The following ARSJ variants were observed in gnomAD, a reference collection of about 807,000 sequenced individuals.
The protein encoded by ARSJ is arylsulfatase J.
A neutral mutation model predicts 35.9 loss-of-function variants in ARSJ; 26 were observed. The observed-to-expected ratio is 0.72, with a 90% CI of 0.53 to 1.00. The LOEUF (loss-of-function observed/expected upper bound fraction) is 1.00. ARSJ is among the 50% of genes least tolerant of loss of function. The probability of loss-of-function intolerance (pLI) is 0.00; values close to 1 mark genes in which losing one functional copy is unlikely to be tolerated. For synonymous variants in ARSJ, 294 were observed against 267.6 expected (o/e 1.10, Z -0.96); for missense variants, 667 against 723.6 (o/e 0.92, Z 0.90).
rs370700676 is a variant in ARSJ, at chr4:113,903,044, T to C, written c.1030A>G (p.Ser344Gly). 4 of 1,614,068 alleles carry C rather than the reference T, an allele frequency of 2.5e-6. No homozygotes were observed. In the African/African-American group the frequency reaches 5.3e-5, roughly 22 times the overall value. Residue 344 changes from serine to glycine, a missense_variant, in exon 2 of 2, where the codon AGC becomes GGC. Physicochemically the swap from Ser to Gly is moderately conservative, Grantham distance 56. Coordinates refer to ENST00000315366, the MANE Select transcript of ARSJ (RefSeq NM_024590.4). ...CCTCCTTCCCAATATGTTCCTTTGC[T>C]ACCTCTGAGAGGCCAGTTACTCCCT... ...AGGSNWPLRG[S>G]KGTYWEGGIR...
At chr4:113,963,339 G>GTCAA (rs2149281875) in intron 1 of ARSJ, among the ~76,000 whole-genome samples, 1 of 152,166 alleles carries the variant, frequency 6.6e-6, no homozygotes, top group African/African-American at 2.4e-5. Flanking sequence ...TTGACTCACA[G>GTCAA]TTCCACCTGG....
At chr4:113,959,341 A>C (rs555491654) in intron 1 of ARSJ, among the ~76,000 whole-genome samples, 1 of 152,124 alleles carries the variant, frequency 6.6e-6, no homozygotes, top group East Asian at 1.9e-4. Flanking sequence ...AATGTTTCAA[A>C]TGCACACACT....
intron 1 of ARSJ, among the ~76,000 whole-genome samples, chr4:113,943,778 T>A (rs1725306854): frequency 6.6e-6 from 1 of 151,788 alleles, no homozygotes; most frequent in African/African-American, 2.4e-5. Flanking sequence ...ACAGAAGGAA[T>A]GATAGACATA....
Position 113,924,034 on chromosome 4 carries a change from T to A in ARSJ, c.399-20359A>T, listed in dbSNP as rs62314613. ...TCTATAGAATCTACATATATATATA[T>A]AAATATATATAAATATATATAAATA... On this transcript the variant is annotated intron_variant, in intron 1 of 1. Transcript: ENST00000315366. Among the ~76,000 whole-genome samples the A allele has an allele frequency of 0.042, 173 of 4,118 alleles. 7 individuals carry two copies. In the East Asian group the frequency reaches 0.48, roughly 11 times the overall value. 2.7% of individuals were successfully genotyped at this position (4,118 alleles called of 152,430 possible).
chr4:113,909,460 T>G lies in ARSJ; in HGVS notation c.399-5785A>C, dbSNP rs545765819. 1.4e-3 allele frequency among the ~76,000 whole-genome samples: 218 copies of G among 152,294 alleles called. 4 individuals carry two copies. The highest frequency in any genetic ancestry group is 4.6e-4 in the Admixed American group (7 of 15,292). On this transcript the variant is annotated intron_variant, in intron 1 of 1. Transcript: ENST00000315366. The stretch of plus-strand genomic sequence containing the variant: ...CACCCAAATCTCATCTGAACTGTAG[T>G]TCCCATAATCCCCACATGTCGTGAG...
At chr4:113,952,483 G>T (rs997652584) in intron 1 of ARSJ, among the ~76,000 whole-genome samples, 1 of 152,020 alleles carries the variant, frequency 6.6e-6, no homozygotes, top group South Asian at 2.1e-4. Flanking sequence ...ATTTTCATAC[G>T]CATATCAATA....
At chr4:113,905,654 T>C (rs2099668489) in intron 1 of ARSJ, among the ~76,000 whole-genome samples, 1 of 143,852 alleles carries the variant, frequency 7.0e-6, no homozygotes, top group South Asian at 2.2e-4. Context: ...GTTACTGTTC[T>C]TGATAATTTT....
rs746369577 is a variant in ARSJ at position 113,902,284 on chromosome 4, G to A, written c.1790C>T (p.Thr597Ile). The A allele has an allele frequency of 6.7e-5, 108 of 1,610,336 alleles. 1 individual carries two copies. Among genetic ancestry groups the A allele is most frequent in the Non-Finnish European group, 2.6e-5 (31 of 1,180,006 alleles). ...AGGAAATATTTGTGCTTATCCACAAGTAACACCTGAATGGCAAGTTGAACC... is the reference window on the plus strand; with the variant it reads ...AGGAAATATTTGTGCTTATCCACAAATAACACCTGAATGGCAAGTTGAACC... Reference protein sequence around the residue: ...VSGSTCHSGVTCG With the variant: ...VSGSTCHSGVICG The change falls in exon 2 of 2, where the codon ACT becomes ATT. Residue 597 changes from threonine to isoleucine, a missense_variant. Coordinates refer to ENST00000315366, the MANE Select transcript of ARSJ (RefSeq NM_024590.4).
rs1233915070 is a variant in ARSJ, at chr4:113,901,901, CTG to C, written c.*371_*372del. The C allele has an allele frequency of 1.7e-5, 2 of 115,228 alleles. No individual in the cohort carries two copies. The highest frequency in any genetic ancestry group is 2.8e-4 in the Admixed American group (2 of 7,212). 7.1% of individuals were successfully genotyped at this position (115,228 alleles called of 1,614,324 possible). On this transcript the variant is annotated 3_prime_UTR_variant, in exon 2 of 2. Coordinates refer to ENST00000315366, the MANE Select transcript of ARSJ (RefSeq NM_024590.4). Reference sequence around the variant, plus strand: ...TTAGCATGCTTGCGGATGGTATACCCTGTAACTTCCATCAAATTAGCATGCTT... The same window carrying C: ...TTAGCATGCTTGCGGATGGTATACCCTAACTTCCATCAAATTAGCATGCTT...
chr4:113,928,344 CT>C (rs1207443751), intron 1 of ARSJ, among the ~76,000 whole-genome samples: 22 of 152,156 alleles, frequency 1.4e-4, no homozygotes, highest in African/African-American at 5.3e-4. Context: ...GAGGAACTGG[CT>C]TCCCCTTCAT....
chr4:113,961,187 T>C (rs1726517786), intron 1 of ARSJ, among the ~76,000 whole-genome samples: 1 of 152,014 alleles, frequency 6.6e-6, no homozygotes, highest in African/African-American at 2.4e-5. Context: ...ACGTTGGAAG[T>C]GAAGTAGCAC....
chr4:113,971,338 G>A (rs539748173), intron 1 of ARSJ, among the ~76,000 whole-genome samples: 18 of 152,256 alleles, frequency 1.2e-4, no homozygotes, highest in Admixed American at 3.9e-4. Flanking sequence ...ACAAGACATC[G>A]TCAGCCTTCT....
intron 1 of ARSJ, among the ~76,000 whole-genome samples, chr4:113,922,591 C>A (rs1171055444): frequency 6.6e-6 from 1 of 152,122 alleles, no homozygotes; most frequent in Non-Finnish European, 1.5e-5. Flanking sequence ...TTACAGCTGT[C>A]TTCATGCTTT....
chr4:113,961,494 C>G (rs1726534919), intron 1 of ARSJ, among the ~76,000 whole-genome samples: 1 of 152,022 alleles, frequency 6.6e-6, no homozygotes, highest in Non-Finnish European at 1.5e-5. Context: ...TCAATGAAAT[C>G]TTTCTCAATG....
At chr4:113,963,583 A>G (rs1726700653) in intron 1 of ARSJ, among the ~76,000 whole-genome samples, 1 of 152,072 alleles carries the variant, frequency 6.6e-6, no homozygotes, top group South Asian at 2.1e-4. Context: ...GGATTATGAG[A>G]ACTACAATTC....
At chr4:113,927,498 A>G (rs1450907424) in intron 1 of ARSJ, among the ~76,000 whole-genome samples, 2 of 152,162 alleles carry the variant, frequency 1.3e-5, no homozygotes, top group African/African-American at 4.8e-5. Flanking sequence ...AAAGCCGGAG[A>G]GTTGATTTAC....
chr4:113,923,390 A>C (rs897330604), intron 1 of ARSJ, among the ~76,000 whole-genome samples: 1 of 152,166 alleles, frequency 6.6e-6, no homozygotes, highest in Non-Finnish European at 1.5e-5. Context: ...TAGCTCTTAG[A>C]TTTCAGCCTA....
intron 1 of ARSJ, among the ~76,000 whole-genome samples, chr4:113,912,629 G>A (rs1001842216): frequency 6.6e-6 from 1 of 151,974 alleles, no homozygotes; most frequent in Non-Finnish European, 1.5e-5. Flanking sequence ...ACAAAAAAAT[G>A]TATAGGTTCC....
At chr4:113,921,441 T>C (rs1365941101) in intron 1 of ARSJ, among the ~76,000 whole-genome samples, 1 of 152,140 alleles carries the variant, frequency 6.6e-6, no homozygotes, top group East Asian at 1.9e-4. Flanking sequence ...CTTTTCTGTT[T>C]TAACGTTGAC....
Sources: allele counts gnomAD v4.1 joint callset (sites outside exome capture counted in the v4.1 genomes callset), GRCh38; gene constraint gnomAD v4.1.1; transcripts MANE v1.5; gene names NCBI Gene and HGNC (gene_info 2026-07-23, HGNC 2026-07-21).